The following CNTN4 variants were observed in gnomAD, a reference collection of about 807,000 sequenced individuals.
The protein encoded by CNTN4 is contactin 4.
Under a neutral mutation model 122.5 loss-of-function variants are expected in CNTN4, and 77 were observed. The observed-to-expected ratio is 0.63, with a 90% CI of 0.52 to 0.76. The LOEUF (loss-of-function observed/expected upper bound fraction) is 0.76. Ranked by LOEUF, CNTN4 falls within the 30% of genes least tolerant of loss-of-function variation. The pLI, the probability that CNTN4 is intolerant of heterozygous loss-of-function variation, is 0.00. For synonymous variants in CNTN4, 512 were observed against 447.0 expected (o/e 1.15, Z -1.83); for missense variants, 1,256 against 1,259.1 (o/e 1.00, Z 0.04).
intron 4 of CNTN4, among the ~76,000 whole-genome samples, chr3:2,646,754 C>G (rs2083139991): frequency 6.6e-6 from 1 of 152,190 alleles, no homozygotes; most frequent in Non-Finnish European, 1.5e-5. Flanking sequence ...TGAGGACTCT[C>G]TCCCTGGTTT....
Position 2,263,809 on chromosome 3 carries a change from C to G in CNTN4, c.-144-75369C>G, listed in dbSNP as rs2040934091. 1.5e-5 allele frequency among the ~76,000 whole-genome samples: 2 copies of G among 135,474 alleles called. 1 individual carries two copies. 88.9% of individuals were successfully genotyped at this position (135,474 alleles called of 152,430 possible). ...CCCTTCCTTTCCAAGCCTCTGGTAA[C>G]CATCATCCTACTCTCTATCTCCCTG... On this transcript the variant is annotated intron_variant, in intron 2 of 24. Coordinates refer to ENST00000418658, the MANE Select transcript of CNTN4 (RefSeq NM_175607.3).
chr3:3,037,498 C>T (rs180852942), intron 18 of CNTN4, 170 bp downstream of exon 18: 81 of 877,564 alleles, frequency 9.2e-5, no homozygotes, highest in African/African-American at 5.2e-4. Context: ...CAGCTGAACA[C>T]GCAACGGGTT....
intron 13 of CNTN4, among the ~76,000 whole-genome samples, chr3:2,974,413 C>T (rs1467733318): frequency 6.6e-6 from 1 of 152,218 alleles, no homozygotes; most frequent in Non-Finnish European, 1.5e-5. Context: ...TGCACCATCA[C>T]AGGCTTAAAT....
At chr3:2,220,120 C>A (rs1408579951) in intron 2 of CNTN4, among the ~76,000 whole-genome samples, 1 of 152,142 alleles carries the variant, frequency 6.6e-6, no homozygotes. Flanking sequence ...TTGTCATGTT[C>A]TTTTACTTTC....
rs566568327 is a variant in CNTN4, at chr3:2,255,339, G to C, written c.-144-83839G>C. Among the ~76,000 whole-genome samples, 14 of 152,210 alleles carry C rather than the reference G, an allele frequency of 9.2e-5. No individual in the cohort carries two copies. The East Asian group carries it at 2.1e-3, about 23-fold the overall frequency. On this transcript the variant is annotated intron_variant, in intron 2 of 24. Transcript: ENST00000418658. ...AGACTCTTACACAGTAATAGTGTGA[G>C]ACTTTAACACCCCACTGTCAATATT...
At chr3:3,021,505 A>G (rs1698284015) in intron 14 of CNTN4, among the ~76,000 whole-genome samples, 1 of 152,174 alleles carries the variant, frequency 6.6e-6, no homozygotes, top group South Asian at 2.1e-4. Flanking sequence ...GTCCCTATAA[A>G]AACTAATTTA....
At chr3:3,023,638 A>G (rs996943311) in intron 14 of CNTN4, among the ~76,000 whole-genome samples, 1 of 152,182 alleles carries the variant, frequency 6.6e-6, no homozygotes, top group South Asian at 2.1e-4. Flanking sequence ...CTCCACACTC[A>G]TAAGTCTGAT....
At chr3:2,850,618 G>A (rs1157684011) in intron 7 of CNTN4, among the ~76,000 whole-genome samples, 2 of 151,968 alleles carry the variant, frequency 1.3e-5, no homozygotes, top group Admixed American at 6.6e-5. Context: ...TCCCCCGCAG[G>A]TTTCCTTATT....
At chr3:2,932,343 A>C (rs570513814) in intron 13 of CNTN4, among the ~76,000 whole-genome samples, 1 of 152,180 alleles carries the variant, frequency 6.6e-6, no homozygotes, top group Admixed American at 6.5e-5. Flanking sequence ...GCACCACTGC[A>C]CTCCAGCCTG....
At chr3:2,924,499 T>A (rs185406421) in intron 12 of CNTN4, among the ~76,000 whole-genome samples, 1 of 152,298 alleles carries the variant, frequency 6.6e-6, no homozygotes, top group East Asian at 1.9e-4. Flanking sequence ...CATTCCAAAA[T>A]CTCTTCTTGC....
chr3:2,301,929 C>G (rs1424445377), intron 2 of CNTN4, among the ~76,000 whole-genome samples: 3 of 152,186 alleles, frequency 2.0e-5, no homozygotes, highest in Admixed American at 1.3e-4. Flanking sequence ...AAGCATATAG[C>G]CTGAAAGTCT....
intron 3 of CNTN4, among the ~76,000 whole-genome samples, chr3:2,379,377 T>C (rs1216553164): frequency 6.6e-6 from 1 of 152,176 alleles, no homozygotes; most frequent in Non-Finnish European, 1.5e-5. Flanking sequence ...ACTATAAGGT[T>C]ACAGATTCTG....
intron 14 of CNTN4, among the ~76,000 whole-genome samples, chr3:3,001,281 G>A (rs2125400811): frequency 6.6e-6 from 1 of 152,320 alleles, no homozygotes; most frequent in East Asian, 1.9e-4. Context: ...AAAATAAGGA[G>A]TGGAGGATCA....
At chr3:2,737,535 C>T (rs1391888484) in intron 5 of CNTN4, among the ~76,000 whole-genome samples, 1 of 152,194 alleles carries the variant, frequency 6.6e-6, no homozygotes, top group Non-Finnish European at 1.5e-5. Context: ...CAATTCATAA[C>T]CACATATATT....
chr3:2,232,910 AAGAAG>A (rs1214838542), intron 2 of CNTN4, among the ~76,000 whole-genome samples: 1 of 152,166 alleles, frequency 6.6e-6, no homozygotes, highest in Non-Finnish European at 1.5e-5. Context: ...GTTGAGTGGA[AAGAAG>A]AGACAGAGGA....
At chr3:2,110,974 C>CTGTA (rs2032907771) in intron 2 of CNTN4, among the ~76,000 whole-genome samples, 2 of 152,128 alleles carry the variant, frequency 1.3e-5, no homozygotes, top group Admixed American at 1.3e-4. Flanking sequence ...GCTATCTTAC[C>CTGTA]TGTAGTACAA....
At chr3:2,219,973 G>GT (rs1271832342) in intron 2 of CNTN4, among the ~76,000 whole-genome samples, 5 of 151,828 alleles carry the variant, frequency 3.3e-5, no homozygotes, top group Non-Finnish European at 5.9e-5. Context: ...AGAAAATATT[G>GT]TTTTTTTGCT....
chr3:2,784,392 T>A (rs2091728253), intron 6 of CNTN4, among the ~76,000 whole-genome samples: 1 of 152,230 alleles, frequency 6.6e-6, no homozygotes. Flanking sequence ...ATCCGTTTGA[T>A]CTTCGAAACA....
chr3:2,620,886 C>T (rs948526882), intron 4 of CNTN4, among the ~76,000 whole-genome samples: 1 of 152,084 alleles, frequency 6.6e-6, no homozygotes, highest in Non-Finnish European at 1.5e-5. Flanking sequence ...CTTTCGGATC[C>T]TCTTCTGGAC....
Sources: allele counts gnomAD v4.1 joint callset (sites outside exome capture counted in the v4.1 genomes callset), GRCh38; gene constraint gnomAD v4.1.1; transcripts MANE v1.5; gene names NCBI Gene and HGNC (gene_info 2026-07-23, HGNC 2026-07-21).